The following SGCZ variants were observed in gnomAD, a reference collection of about 807,000 sequenced individuals.
SGCZ encodes the protein zeta-sarcoglycan.
SGCZ carries 40 observed loss-of-function variants against 41.3 expected under a neutral mutation model. The ratio of observed to expected loss-of-function variants is 0.97; its 90% CI spans 0.75 to 1.26. SGCZ has a LOEUF of 1.26. Among genes scored for constraint, SGCZ ranks in the 50% most tolerant of loss-of-function variants. SGCZ has a pLI of 0.00. For missense variants in SGCZ, 552 were observed against 369.8 expected (o/e 1.49, Z -4.04); for synonymous variants, 206 against 137.5 (o/e 1.50, Z -3.49).
intron 1 of SGCZ, among the ~76,000 whole-genome samples, chr8:14,815,771 A>G (rs554797366): frequency 2.0e-5 from 3 of 152,350 alleles, no homozygotes; most frequent in Admixed American, 6.5e-5. Flanking sequence ...CTATTATACT[A>G]TCTGATAATA....
intron 1 of SGCZ, among the ~76,000 whole-genome samples, chr8:14,856,648 A>G (rs1399368861): frequency 1.3e-5 from 2 of 152,130 alleles, no homozygotes; most frequent in African/African-American, 4.8e-5. Context: ...TCCAGTTTCT[A>G]CTGATTGTTC....
intron 6 of SGCZ, among the ~76,000 whole-genome samples, chr8:14,105,921 A>ATTTT (rs1802188993): frequency 3.3e-5 from 5 of 152,174 alleles, no homozygotes; most frequent in Admixed American, 2.0e-4. Context: ...TTCTTTAAGT[A>ATTTT]TAAATTTAAG....
chr8:14,897,906 C>T (rs1344841728), intron 1 of SGCZ, among the ~76,000 whole-genome samples: 2 of 152,144 alleles, frequency 1.3e-5, no homozygotes, highest in African/African-American at 4.8e-5. Flanking sequence ...AAGGCACTAT[C>T]CAGGCATTAA....
intron 2 of SGCZ, among the ~76,000 whole-genome samples, chr8:14,402,465 A>G (rs1238254423): frequency 2.0e-5 from 3 of 151,394 alleles, no homozygotes; most frequent in Admixed American, 6.6e-5. Context: ...TGATTTTTGT[A>G]TAAGGTGTAA....
intron 1 of SGCZ, 132 bp from the exon 2 acceptor site, chr8:14,555,058 ATTG>A (rs1364647573): frequency 6.8e-6 from 5 of 732,172 alleles, no homozygotes; most frequent in Admixed American, 6.1e-5. Context: ...TCAAATAACT[ATTG>A]TTGTGTAATT....
chr8:14,225,886 G>A (rs114648871), intron 4 of SGCZ, among the ~76,000 whole-genome samples: 2,642 of 152,082 alleles, frequency 0.017, 28 homozygotes, highest in Non-Finnish European at 0.021. Context: ...CTTTGCGACC[G>A]ACAAGCATTT....
chr8:15,020,038 G>T (rs552385201), intron 1 of SGCZ, among the ~76,000 whole-genome samples: 1 of 151,554 alleles, frequency 6.6e-6, no homozygotes, highest in Non-Finnish European at 1.5e-5. Context: ...AGCATTTAGC[G>T]CACGAACCAA....
chr8:14,314,665 C>G (rs569645901), intron 3 of SGCZ, among the ~76,000 whole-genome samples: 3 of 152,092 alleles, frequency 2.0e-5, no homozygotes, highest in African/African-American at 7.2e-5. Context: ...TCAGTGTTTT[C>G]ATCAGTGGGT....
chr8:15,113,762 C>T (rs1291340292), intron 1 of SGCZ, among the ~76,000 whole-genome samples: 1 of 152,190 alleles, frequency 6.6e-6, no homozygotes, highest in Non-Finnish European at 1.5e-5. Flanking sequence ...TGACCCTCTA[C>T]AATCCTCCTA....
intron 1 of SGCZ, among the ~76,000 whole-genome samples, chr8:14,664,716 A>G (rs528091028): frequency 1.1e-4 from 17 of 152,298 alleles, no homozygotes; most frequent in African/African-American, 4.1e-4. Context: ...ATCTTATGAA[A>G]ACACTGATTT....
intron 1 of SGCZ, among the ~76,000 whole-genome samples, chr8:14,959,593 T>C (rs984935408): frequency 6.6e-6 from 1 of 152,174 alleles, no homozygotes; most frequent in Non-Finnish European, 1.5e-5. Flanking sequence ...TTTTTCGTTC[T>C]TCTCAGTATC....
intron 3 of SGCZ, among the ~76,000 whole-genome samples, chr8:14,292,869 A>T (rs1025864150): frequency 6.6e-6 from 1 of 151,960 alleles, no homozygotes; most frequent in African/African-American, 2.4e-5. Context: ...TATATATATA[A>T]TTTTAGTATA....
At chr8:14,348,657 C>T (rs1802976183) in intron 2 of SGCZ, among the ~76,000 whole-genome samples, 1 of 151,968 alleles carries the variant, frequency 6.6e-6, no homozygotes, top group African/African-American at 2.4e-5. Context: ...GCTTATTCTC[C>T]CAAGGAACGC....
At chr8:14,528,610 C>T (rs1803024409) in intron 2 of SGCZ, among the ~76,000 whole-genome samples, 2 of 151,882 alleles carry the variant, frequency 1.3e-5, no homozygotes, top group Non-Finnish European at 2.9e-5. Flanking sequence ...GTTTGATCCT[C>T]CAAATCCCCT....
intron 7 of SGCZ, among the ~76,000 whole-genome samples, chr8:14,095,855 C>T (rs878926982): frequency 6.6e-6 from 1 of 152,074 alleles, no homozygotes; most frequent in Non-Finnish European, 1.5e-5. Context: ...ATTTCATTCT[C>T]TTTGTAGCAC....
At chr8:14,263,313 C>G (rs945338360) in intron 3 of SGCZ, among the ~76,000 whole-genome samples, 1 of 152,096 alleles carries the variant, frequency 6.6e-6, no homozygotes, top group Non-Finnish European at 1.5e-5. Flanking sequence ...CTTTGGGAGG[C>G]TGATTCAGGC....
chr8:14,723,735 G>A (rs1809964160), intron 1 of SGCZ, among the ~76,000 whole-genome samples: 3 of 151,854 alleles, frequency 2.0e-5, no homozygotes, highest in Non-Finnish European at 4.4e-5. Context: ...GTGCATCTAT[G>A]TGTATATTAT....
rs115457049 is a variant in SGCZ at position 15,223,128 on chromosome 8, G to A, written c.39+14457C>T. 1.2e-3 allele frequency among the ~76,000 whole-genome samples: 190 copies of A among 152,218 alleles called. 1 individual carries two copies. The highest frequency in any genetic ancestry group is 3.9e-3 in the African/African-American group (162 of 41,536). ...TTAAAGCATACCTTATGATGCCTAA[G>A]AACCGAATAGTCTCTGGATAATCTG... On this transcript the variant is annotated intron_variant, in intron 1 of 7. Transcript: ENST00000382080.
intron 4 of SGCZ, among the ~76,000 whole-genome samples, chr8:14,219,472 G>C (rs547518834): frequency 2.6e-5 from 4 of 152,198 alleles, no homozygotes; most frequent in Non-Finnish European, 4.4e-5. Context: ...ATGAGAACTG[G>C]GCACAGTGGC....
Sources: gnomAD v4.1 joint callset for allele counts (sites outside exome capture counted in the v4.1 genomes callset) on GRCh38, gnomAD v4.1.1 for gene constraint, MANE v1.5 for transcripts, NCBI Gene and HGNC (gene_info 2026-07-23, HGNC 2026-07-21) for gene names.